Variants in SBF1 observed in about 807,000 individuals in gnomAD.
SBF1 encodes myotubularin-related protein 5.
Under a neutral mutation model 215.8 loss-of-function variants are expected in SBF1, and 65 were observed. The observed-to-expected ratio is 0.30, with a 90% CI of 0.25 to 0.37. SBF1 has a LOEUF of 0.37. SBF1 is among the 10% of genes least tolerant of loss of function. The pLI is 1.00. For synonymous variants in SBF1, 1,410 were observed against 1,122.8 expected (o/e 1.26, Z -5.11); for missense variants, 2,634 against 2,667.8 (o/e 0.99, Z 0.28).
Position 50,462,853 on chromosome 22 carries a change from G to A in SBF1, c.1968+17C>T. Reference sequence around the variant, plus strand: ...AGGGGGGGCTGGGAAGGAGACCTCAGCCATGCCAGCACTCACCCGGCAGAA... The same window carrying A: ...AGGGGGGGCTGGGAAGGAGACCTCAACCATGCCAGCACTCACCCGGCAGAA... On this transcript the variant is annotated intron_variant, in intron 17 of 40. Coordinates refer to ENST00000380817, the MANE Select transcript of SBF1 (RefSeq NM_002972.4). 2 of 1,612,986 alleles carry A rather than the reference G, an allele frequency of 1.2e-6. No homozygotes were observed. The highest frequency in any genetic ancestry group is 1.7e-6 in the Non-Finnish European group (2 of 1,179,834).
intron 1 of SBF1, among the ~76,000 whole-genome samples, chr22:50,473,432 G>A (rs1432741764): frequency 1.3e-5 from 2 of 152,186 alleles, no homozygotes; most frequent in Non-Finnish European, 1.5e-5. Flanking sequence ...AACCTGCACA[G>A]TGGGGATGAG....
At position 50,456,809 on chromosome 22, in the gene SBF1, C is replaced by T. The variant is rs1030059854; in HGVS notation, c.3905-136G>A. The T allele has an allele frequency of 1.8e-5, 14 of 798,706 alleles. No homozygotes were observed. In the East Asian group the frequency reaches 1.8e-4, roughly 10 times the overall value. The allele number at this position is 798,706 out of a possible 1,614,324, so 49.5% of individuals were successfully genotyped here. ...TTGGCAGGACCCCAGCAGGGCCGTG[C>T]GAGAGGAGGGCTGGAACACACAGAT... On this transcript the variant is annotated intron_variant, in intron 29 of 40. Coordinates refer to ENST00000380817, the MANE Select transcript of SBF1 (RefSeq NM_002972.4).
Position 50,461,205 on chromosome 22 carries a change from TC to T in SBF1, c.2920del (p.Asp974ThrfsTer18). The T allele has an allele frequency of 6.2e-7, 1 of 1,611,590 alleles. No homozygotes were observed. Among genetic ancestry groups the T allele is most frequent in the Non-Finnish European group, 8.5e-7 (1 of 1,178,860 alleles). On this transcript the variant is annotated frameshift_variant, in exon 23 of 41. Coordinates refer to ENST00000380817, the MANE Select transcript of SBF1 (RefSeq NM_002972.4). LOFTEE classifies it high-confidence loss of function. ...EKRISVQTPV[D>X]QLLQDGLQLR... The stretch of plus-strand genomic sequence containing the variant: ...CTGGAGCCCGTCCTGCAGGAGCTGG[TC>T]CACAGGGGTCTGGACGCTGATGCGC...
intron 28 of SBF1, among the ~76,000 whole-genome samples, chr22:50,458,143 CAATACA>C (rs2067331787): frequency 6.6e-6 from 1 of 151,964 alleles, no homozygotes; most frequent in Non-Finnish European, 1.5e-5. Context: ...ACTAAAAATA[CAATACA>C]AAAAAATCAG....
rs1414502147 is a variant in SBF1, at chr22:50,446,869, A to G, written c.*273T>C. The G allele has an allele frequency of 2.7e-6, 2 of 744,228 alleles. No homozygotes were observed. Among genetic ancestry groups the G allele is most frequent in the Non-Finnish European group, 4.9e-6 (2 of 406,004 alleles). 46.1% of individuals were successfully genotyped at this position (744,228 alleles called of 1,614,324 possible). On this transcript the variant is annotated 3_prime_UTR_variant, in exon 41 of 41. Transcript: ENST00000380817. ...AAACTCGCCTGCAGCCGCTGGCTGG[A>G]CCAGCACACGCTGACGGGGCCGGAC... is the stretch of plus-strand genomic sequence containing the variant.
intron 24 of SBF1, 58 bp downstream of exon 24, chr22:50,460,476 G>A: frequency 6.2e-7 from 1 of 1,608,240 alleles, no homozygotes; most frequent in Non-Finnish European, 8.5e-7. Context: ...GGCCTAGGAG[G>A]GTTGGAGCGG....
At position 50,455,140 on chromosome 22, in the gene SBF1, G is replaced by C. The variant is rs763547524; in HGVS notation, c.4557C>G (p.Val1519=). 2.5e-6 allele frequency: 4 copies of C among 1,614,082 alleles called. No homozygotes were observed. The highest frequency in any genetic ancestry group is 2.2e-5 in the South Asian group (2 of 91,076). ...FLQFLDCVHQ[V]HLQFPMEFEF... ...CAAACTCCATGGGGAACTGCAGGTG[G>C]ACCTGCACGCCATGTGGGTCAGGGG... The change falls in exon 34 of 41, where the codon GTC becomes GTG. Residue 1519 remains valine (V), a splice_region_variant and synonymous_variant. Transcript: ENST00000380817.
At chr22:50,473,177 G>C (rs1273802706) in intron 1 of SBF1, among the ~76,000 whole-genome samples, 1 of 152,102 alleles carries the variant, frequency 6.6e-6, no homozygotes, top group Admixed American at 6.5e-5. Context: ...TTTGCCTGCA[G>C]TCTCTACCAA....
At chr22:50,458,001 G>A (rs902985394) in intron 28 of SBF1, among the ~76,000 whole-genome samples, 2 of 152,168 alleles carry the variant, frequency 1.3e-5, no homozygotes, top group Non-Finnish European at 2.9e-5. Context: ...GTGTATCCTT[G>A]TAAAAAGGTC....
In SBF1 at chr22:50,464,671, C is replaced by T. The variant is rs1172335233; in HGVS notation, c.1499G>A (p.Arg500Gln). ...CAGCCGGGGGAAGGGTCGGGGCACC[C>T]GTCGCAGGTGGCTGCTCTCACCGGG... Reference protein sequence around the residue: ...QRPGESSHLRRVPRPFPRLDE... With the variant: ...QRPGESSHLRQVPRPFPRLDE... The change falls in exon 14 of 41, where the codon CGG (arginine) becomes CAG (glutamine). Residue 500 changes from arginine (R) to glutamine (Q), a missense_variant. Coordinates refer to ENST00000380817, the MANE Select transcript of SBF1 (RefSeq NM_002972.4). The T allele has an allele frequency of 6.2e-6, 10 of 1,607,748 alleles. No homozygotes were observed. The highest frequency in any genetic ancestry group is 8.5e-6 in the Non-Finnish European group (10 of 1,179,674).
intron 23 of SBF1, 120 bp from the exon 24 acceptor site, chr22:50,460,832 G>GC (rs1163108603): frequency 4.5e-6 from 5 of 1,121,082 alleles, no homozygotes; most frequent in Non-Finnish European, 5.1e-6. Context: ...CAGGCCCCAG[G>GC]CAAAGGCCTG....
rs374814912 is a variant in SBF1 at position 50,466,287 on chromosome 22, C to T, written c.789-29G>A. 2.5e-6 allele frequency: 4 copies of T among 1,612,696 alleles called. No individual in the cohort carries two copies. In the African/African-American group the frequency reaches 5.3e-5, roughly 22 times the overall value. On this transcript the variant is annotated intron_variant, in intron 7 of 40. Coordinates refer to ENST00000380817, the MANE Select transcript of SBF1 (RefSeq NM_002972.4). ...TGCAGGCCCCAGAGGATGCAGTGAG[C>T]CAGGGGACGCGGCTGGGCAAAGGGG... is the stretch of plus-strand genomic sequence containing the variant.
At chr22:50,471,072 G>C (rs957182966) in intron 1 of SBF1, among the ~76,000 whole-genome samples, 2 of 152,186 alleles carry the variant, frequency 1.3e-5, no homozygotes, top group Non-Finnish European at 2.9e-5. Flanking sequence ...TTGCCCATCA[G>C]AGTGCTGCCT....
At chr22:50,452,038 C>T (rs1393226090) in intron 36 of SBF1, among the ~76,000 whole-genome samples, 3 of 151,828 alleles carry the variant, frequency 2.0e-5, no homozygotes, top group Non-Finnish European at 4.4e-5. Flanking sequence ...TCAGGTTATC[C>T]ACCTGCCTCA....
intron 38 of SBF1, among the ~76,000 whole-genome samples, chr22:50,447,971 C>T (rs556357733): frequency 1.4e-4 from 21 of 152,296 alleles, no homozygotes; most frequent in African/African-American, 3.6e-4. Context: ...GAAGCAGCCA[C>T]GGCAGCAGCT....
intron 31 of SBF1, 27 bp downstream of exon 31, chr22:50,456,189 G>C (rs1483711160): frequency 6.2e-7 from 1 of 1,606,998 alleles, no homozygotes; most frequent in East Asian, 2.2e-5. Context: ...CACCAAGGCG[G>C]GCAGAGGGAC....
At chr22:50,452,682 AC>A (rs1360878969) in intron 36 of SBF1, among the ~76,000 whole-genome samples, 1 of 122,746 alleles carries the variant, frequency 8.1e-6, no homozygotes, top group Non-Finnish European at 1.6e-5. Flanking sequence ...AGATCGCACC[AC>A]CGCTCTCCAG....
chr22:50,461,773 C>A (rs775824943), intron 21 of SBF1, 23 bp downstream of exon 21: 11 of 1,611,896 alleles, frequency 6.8e-6, no homozygotes, highest in Non-Finnish European at 9.3e-6. Context: ...TGGGCCCCCG[C>A]AGCCCCAACG....
rs766783417 is a variant in SBF1 at position 50,462,670 on chromosome 22, C to T, written c.2016G>A (p.Glu672=). 9.9e-6 allele frequency: 16 copies of T among 1,612,488 alleles called. No individual in the cohort carries two copies. The highest frequency in any genetic ancestry group is 1.3e-5 in the Non-Finnish European group (15 of 1,179,620). Residue 672 remains glutamate (E), a synonymous_variant, in exon 18 of 41, where the codon GAG becomes GAA. Transcript: ENST00000380817. ...VTQFAYSCVQ[E]HVVWSTPQFW... The stretch of plus-strand genomic sequence containing the variant: ...ACTGTGGCGTGCTCCACACCACGTG[C>T]TCCTGCACACAGCTGTATGCAAACT...
Sources: allele counts gnomAD v4.1 joint callset (sites outside exome capture counted in the v4.1 genomes callset), GRCh38; gene constraint gnomAD v4.1.1; transcripts MANE v1.5; gene names NCBI Gene and HGNC (gene_info 2026-07-23, HGNC 2026-07-21).